RGS6: variants seen among roughly 807,000 people sequenced by gnomAD.
RGS6 encodes the protein regulator of G-protein signaling 6.
Under a neutral mutation model 78.5 loss-of-function variants are expected in RGS6, and 30 were observed. That is an observed-to-expected ratio of 0.38 (90% CI 0.29 to 0.52). The LOEUF (loss-of-function observed/expected upper bound fraction) is 0.52, where lower values mean the gene tolerates loss of function less well. Among genes scored for constraint, RGS6 ranks in the 20% least tolerant of loss-of-function variants. RGS6 has a pLI of 0.85. For missense variants in RGS6, 495 were observed against 609.7 expected (o/e 0.81, Z 1.98); for synonymous variants, 206 against 206.0 (o/e 1.00, Z 0.00).
chr14:72,416,909 GC>G (rs2093853428), intron 3 of RGS6, among the ~76,000 whole-genome samples: 1 of 152,152 alleles, frequency 6.6e-6, no homozygotes, highest in South Asian at 2.1e-4. Flanking sequence ...TATAACCATG[GC>G]ATGAGGATTA....
intron 13 of RGS6, among the ~76,000 whole-genome samples, chr14:72,508,652 G>T (rs546910084): frequency 7.8e-5 from 10 of 128,588 alleles, no homozygotes; most frequent in African/African-American, 2.9e-4. Flanking sequence ...GAGGAAACAT[G>T]ATTTAATCTC....
intron 2 of RGS6, among the ~76,000 whole-genome samples, chr14:72,334,281 TGGCCCTGGGAGCTG>T (rs2075622776): frequency 6.6e-6 from 1 of 152,182 alleles, no homozygotes; most frequent in African/African-American, 2.4e-5. Flanking sequence ...GGAGGGCAAC[TGGCCCTGGGAGCTG>T]GGCCAAGCAC....
At chr14:72,612,296 C>G in the RGS6 span, among the ~76,000 whole-genome samples, 13 of 152,300 alleles carry the variant, frequency 8.5e-5, no homozygotes, top group African/African-American at 3.1e-4. Flanking sequence ...GTGGACCAGA[C>G]GCATTGGTGA....
At chr14:72,021,437 GT>G (rs376157444) in intron 2 of RGS6, among the ~76,000 whole-genome samples, 7 of 132,686 alleles carry the variant, frequency 5.3e-5, no homozygotes, top group African/African-American at 1.7e-4. Context: ...ATTACAATAT[GT>G]TTTTTTTCTT....
intron 2 of RGS6, among the ~76,000 whole-genome samples, chr14:72,320,632 C>A (rs2071679461): frequency 6.7e-6 from 1 of 149,708 alleles, no homozygotes; most frequent in African/African-American, 2.5e-5. Context: ...AAGACTTTAT[C>A]TAAGAGATGA....
chr14:72,601,282 T>C, the RGS6 span, among the ~76,000 whole-genome samples: 7 of 152,080 alleles, frequency 4.6e-5, no homozygotes, highest in African/African-American at 1.7e-4. Flanking sequence ...CAGCAGGATC[T>C]AAGCGACAGA....
chr14:72,278,018 C>A (rs56812317), intron 2 of RGS6, among the ~76,000 whole-genome samples: 1 of 152,226 alleles, frequency 6.6e-6, no homozygotes, highest in East Asian at 1.9e-4. Flanking sequence ...CTTATTTAGC[C>A]CAGTCCATGA....
At chr14:72,615,731 T>C in the RGS6 span, among the ~76,000 whole-genome samples, 1 of 152,256 alleles carries the variant, frequency 6.6e-6, no homozygotes, top group African/African-American at 2.4e-5. Context: ...TGCTGGCTCC[T>C]GCTTCAGGGG....
At chr14:72,228,959 G>A (rs1279274793) in intron 2 of RGS6, among the ~76,000 whole-genome samples, 1 of 152,182 alleles carries the variant, frequency 6.6e-6, no homozygotes, top group Non-Finnish European at 1.5e-5. Context: ...GGAGGCTGAG[G>A]CAGAAGAATC....
At chr14:72,450,571 G>C (rs924458551) in intron 3 of RGS6, among the ~76,000 whole-genome samples, 5 of 152,140 alleles carry the variant, frequency 3.3e-5, no homozygotes, top group Non-Finnish European at 5.9e-5. Flanking sequence ...GGGAACAAAG[G>C]GTGGCCATCC....
At chr14:72,397,637 A>C (rs1356802446) in intron 3 of RGS6, among the ~76,000 whole-genome samples, 2 of 152,176 alleles carry the variant, frequency 1.3e-5, no homozygotes, top group East Asian at 3.9e-4. Context: ...CCGTTTCCAA[A>C]GGGAATGCTT....
chr14:72,362,921 G>A (rs547146297), intron 3 of RGS6, among the ~76,000 whole-genome samples: 1 of 152,214 alleles, frequency 6.6e-6, no homozygotes, highest in African/African-American at 2.4e-5. Context: ...CCCAGGAAAA[G>A]TCATTCCACG....
intron 17 of RGS6, among the ~76,000 whole-genome samples, chr14:72,554,450 T>C (rs190680215): frequency 2.6e-5 from 4 of 152,202 alleles, no homozygotes; most frequent in African/African-American, 9.6e-5. Context: ...AATTTCCTAG[T>C]TGGAAAAAAG....
intron 2 of RGS6, among the ~76,000 whole-genome samples, chr14:72,233,050 T>G (rs981660750): frequency 1.3e-5 from 2 of 152,168 alleles, no homozygotes; most frequent in African/African-American, 2.4e-5. Flanking sequence ...GAAGAAGCTG[T>G]AGCCTGGAAT....
intron 3 of RGS6, among the ~76,000 whole-genome samples, chr14:72,418,369 G>A (rs949558000): frequency 3.9e-5 from 6 of 152,088 alleles, no homozygotes; most frequent in Non-Finnish European, 8.8e-5. Flanking sequence ...GTTTCACCAT[G>A]CTAGCCAGAC....
intron 1 of RGS6, among the ~76,000 whole-genome samples, chr14:71,947,675 G>C (rs2091736037): frequency 6.6e-6 from 1 of 152,008 alleles, no homozygotes; most frequent in Non-Finnish European, 1.5e-5. Context: ...GTAGAGACAG[G>C]GTTTCATCAT....
At chr14:72,360,316 T>C (rs2081195461) in intron 3 of RGS6, among the ~76,000 whole-genome samples, 2 of 151,870 alleles carry the variant, frequency 1.3e-5, no homozygotes, top group Admixed American at 1.3e-4. Context: ...GGTCAGGAAA[T>C]CAAGACCATC....
chr14:71,931,060 C>T (rs1437534185), upstream of RGS6, among the ~76,000 whole-genome samples: 3 of 144,560 alleles, frequency 2.1e-5, no homozygotes, highest in Non-Finnish European at 3.0e-5. Context: ...TGCTACCTTT[C>T]GCTCCATGTA....
At chr14:71,967,920 C>A (rs1004719559) in intron 2 of RGS6, among the ~76,000 whole-genome samples, 1 of 152,166 alleles carries the variant, frequency 6.6e-6, no homozygotes, top group Admixed American at 6.5e-5. Flanking sequence ...ATTTCCTTTT[C>A]ATGTTTTCAT....
Sources: gnomAD v4.1 joint callset for allele counts (sites outside exome capture counted in the v4.1 genomes callset) on GRCh38, gnomAD v4.1.1 for gene constraint, MANE v1.5 for transcripts, NCBI Gene and HGNC (gene_info 2026-07-23, HGNC 2026-07-21) for gene names.